PCDHA2: variants seen among roughly 807,000 people sequenced by gnomAD.
PCDHA2 encodes the protein protocadherin alpha 2, also known as protocadherin alpha-2.
A neutral mutation model predicts 66.0 loss-of-function variants in PCDHA2; 58 were observed. The observed-to-expected ratio is 0.88, with a 90% CI of 0.71 to 1.09. The LOEUF (loss-of-function observed/expected upper bound fraction) is 1.09, where lower values mean the gene tolerates loss of function less well. Ranked by LOEUF, PCDHA2 falls within the 50% of genes least tolerant of loss-of-function variation. The pLI is 0.00. For missense variants in PCDHA2, 1,267 were observed against 1,242.3 expected (o/e 1.02, Z -0.30); for synonymous variants, 634 against 554.0 (o/e 1.14, Z -2.03).
At chr5:140,949,544 T>A (rs981428881) in intron 1 of PCDHA2, among the ~76,000 whole-genome samples, 1 of 151,908 alleles carries the variant, frequency 6.6e-6, no homozygotes, top group Non-Finnish European at 1.5e-5. Flanking sequence ...TATCGATTTG[T>A]TGCTGGTCAT....
intron 1 of PCDHA2, chr5:140,822,094 G>A: frequency 1.2e-6 from 2 of 1,614,270 alleles, no homozygotes; most frequent in Non-Finnish European, 1.7e-6. Context: ...CCACCTGGAG[G>A]TGATCGTGGA....
intron 1 of PCDHA2, chr5:140,834,145 G>C (rs1260830978): frequency 1.9e-6 from 1 of 519,062 alleles, no homozygotes; most frequent in African/African-American, 1.9e-5. Context: ...TTAATAGTTT[G>C]TAATGGTTTG....
At chr5:140,863,467 G>C (rs2048034330) in intron 1 of PCDHA2, 2 of 502,402 alleles carry the variant, frequency 4.0e-6, no homozygotes, top group Non-Finnish European at 7.8e-6. Context: ...TTTTACTCTG[G>C]AGAGTCGCCT....
intron 1 of PCDHA2, among the ~76,000 whole-genome samples, chr5:140,913,421 A>T (rs2076328410): frequency 6.6e-6 from 1 of 152,144 alleles, no homozygotes; most frequent in Non-Finnish European, 1.5e-5. Flanking sequence ...CTGCAGTATC[A>T]GTTGTAATGC....
At chr5:140,876,062 G>T in intron 1 of PCDHA2, 1 of 1,613,842 alleles carries the variant, frequency 6.2e-7, no homozygotes, top group Non-Finnish European at 8.5e-7. Context: ...TTAGTTCTTC[G>T]GAAGTTATTG....
intron 1 of PCDHA2, among the ~76,000 whole-genome samples, chr5:140,904,057 G>T (rs1043471579): frequency 6.6e-6 from 1 of 151,986 alleles, no homozygotes; most frequent in Non-Finnish European, 1.5e-5. Context: ...ATTTCAATGG[G>T]TTTTTGGGGA....
intron 1 of PCDHA2, chr5:140,877,685 C>G (rs377753884): frequency 5.0e-6 from 8 of 1,613,628 alleles, no homozygotes; most frequent in African/African-American, 2.7e-5. Flanking sequence ...GGCAAGCCCA[C>G]GCTGGTGTGC....
chr5:140,849,548 T>C, intron 1 of PCDHA2: 1 of 1,598,372 alleles, frequency 6.3e-7, no homozygotes, highest in Non-Finnish European at 8.6e-7. Flanking sequence ...CACAGTTGAC[T>C]ATCAAAACGC....
chr5:140,961,965 C>T (rs1292120191), intron 1 of PCDHA2, among the ~76,000 whole-genome samples: 9 of 151,536 alleles, frequency 5.9e-5, no homozygotes, highest in Non-Finnish European at 8.8e-5. Context: ...CTCACTGCAA[C>T]CTCCGCCTCC....
chr5:140,856,885 AT>A lies in PCDHA2; in HGVS notation c.2388+59536del, dbSNP rs781799139. 34 of 1,596,494 alleles carry A rather than the reference AT, an allele frequency of 2.1e-5. 3 individuals carry two copies. Among genetic ancestry groups the A allele is most frequent in the Non-Finnish European group, 2.9e-5 (34 of 1,166,312 alleles). ...GAATAAACAAGGAAATGATGTATTC[AT>A]TTAGCTCTTTGGTCCCACCCACGAT... On this transcript the variant is annotated intron_variant, in intron 1 of 3. Transcript: ENST00000526136.
At chr5:140,826,759 A>G (rs1286612690) in intron 1 of PCDHA2, among the ~76,000 whole-genome samples, 1 of 152,218 alleles carries the variant, frequency 6.6e-6, no homozygotes, top group Non-Finnish European at 1.5e-5. Flanking sequence ...TAAGATTCAT[A>G]TTGGAGAGTA....
At position 140,796,179 on chromosome 5, in the gene PCDHA2, C is replaced by T. The variant is rs17844249; in HGVS notation, c.1215C>T (p.Tyr405=). ...FKLVSTFKNY[Y]SLVLDSALDR... ...TGGTGTCCACCTTCAAGAATTACTA[C>T]TCGTTGGTGCTGGACAGCGCCCTGG... Residue 405 remains tyrosine (Y), a synonymous_variant, in exon 1 of 4, where the codon TAC becomes TAT. Transcript: ENST00000526136. The T allele has an allele frequency of 1.9e-6, 3 of 1,614,236 alleles. No individual in the cohort carries two copies. The East Asian group carries it at 6.7e-5, about 36-fold the overall frequency.
chr5:140,875,242 TA>T, intron 1 of PCDHA2: 2 of 943,026 alleles, frequency 2.1e-6, no homozygotes, highest in Non-Finnish European at 3.0e-6. Flanking sequence ...TGTACTTACA[TA>T]ATCAGTCACA....
intron 1 of PCDHA2, among the ~76,000 whole-genome samples, chr5:140,923,350 A>G (rs2081329332): frequency 6.6e-6 from 1 of 152,092 alleles, no homozygotes; most frequent in Non-Finnish European, 1.5e-5. Flanking sequence ...ACATAGTGGG[A>G]CCCTATCTTT....
chr5:140,862,714 G>C, intron 1 of PCDHA2: 1 of 562,754 alleles, frequency 1.8e-6, no homozygotes, highest in South Asian at 1.4e-5. Flanking sequence ...GCGGGTGGGC[G>C]AGTGCGCGCT....
chr5:140,850,875 G>A lies in PCDHA2; in HGVS notation c.2388+53523G>A, dbSNP rs201934627. 18 of 1,590,472 alleles carry A rather than the reference G, an allele frequency of 1.1e-5. 3 individuals carry two copies. The highest frequency in any genetic ancestry group is 1.5e-5 in the Non-Finnish European group (18 of 1,162,510). ...AACGGGAGAACCCTCTGCTTCCTCAGATTCAACTGGGAAGGTGGGTTTTTC... is the reference window on the plus strand; with the variant it reads ...AACGGGAGAACCCTCTGCTTCCTCAAATTCAACTGGGAAGGTGGGTTTTTC... On this transcript the variant is annotated intron_variant, in intron 1 of 3. Transcript: ENST00000526136.
At position 140,843,576 on chromosome 5, in the gene PCDHA2, A is replaced by G; in HGVS notation, c.2388+46224A>G. The G allele has an allele frequency of 1.9e-6, 3 of 1,595,922 alleles. 1 individual carries two copies. Among genetic ancestry groups the G allele is most frequent in the Non-Finnish European group, 2.6e-6 (3 of 1,165,492 alleles). On this transcript the variant is annotated intron_variant, in intron 1 of 3. Coordinates refer to ENST00000526136, the MANE Select transcript of PCDHA2 (RefSeq NM_018905.3). Reference sequence around the variant, plus strand: ...GCGGTGGGGAGCTGGTCATACTCGCAACAACAGCCGCAGAGGGTGTGCTCT... The same window carrying G: ...GCGGTGGGGAGCTGGTCATACTCGCGACAACAGCCGCAGAGGGTGTGCTCT...
rs1210866356 is a variant in PCDHA2 at position 140,796,067 on chromosome 5, T to C, written c.1103T>C (p.Val368Ala). The change falls in exon 1 of 4, where the codon GTC becomes GCC. Residue 368 changes from valine to alanine, a missense_variant. Transcript: ENST00000526136. ...TCAGAGAACGCTTCCCTGGGCACTG[T>C]CATTGCTCTCATCACGGTGTCGGAT... Reference protein sequence around the residue: ...PISENASLGTVIALITVSDRD... With the variant: ...PISENASLGTAIALITVSDRD... 3 of 1,614,224 alleles carry C rather than the reference T, an allele frequency of 1.9e-6. No individual in the cohort carries two copies. Among genetic ancestry groups the C allele is most frequent in the Non-Finnish European group, 2.5e-6 (3 of 1,180,044 alleles).
At chr5:140,972,005 C>T (rs1236779874) in intron 1 of PCDHA2, among the ~76,000 whole-genome samples, 1 of 151,980 alleles carries the variant, frequency 6.6e-6, no homozygotes, top group Admixed American at 6.6e-5. Flanking sequence ...GTTTATATTC[C>T]CTTTTATATG....
Sources: gnomAD v4.1 joint callset for allele counts (sites outside exome capture counted in the v4.1 genomes callset) on GRCh38, gnomAD v4.1.1 for gene constraint, MANE v1.5 for transcripts, NCBI Gene and HGNC (gene_info 2026-07-23, HGNC 2026-07-21) for gene names.